Variants in MS4A2 observed in about 807,000 individuals in gnomAD.
MS4A2 encodes membrane spanning 4-domains A2.
Under a neutral mutation model 27.9 loss-of-function variants are expected in MS4A2, and 26 were observed. That is an observed-to-expected ratio of 0.93 (90% CI 0.68 to 1.29). The LOEUF (loss-of-function observed/expected upper bound fraction) is 1.29, where lower values mean the gene tolerates loss of function less well. Among genes scored for constraint, MS4A2 ranks in the 50% most tolerant of loss-of-function variants. The probability of loss-of-function intolerance (pLI) is 0.00; values close to 1 mark genes in which losing one functional copy is unlikely to be tolerated. For missense variants in MS4A2, 284 were observed against 284.6 expected (o/e 1.00, Z 0.01); for synonymous variants, 110 against 98.8 (o/e 1.11, Z -0.67).
At chr11:60,088,915 T>A in intron 1 of MS4A2, 94 bp downstream of exon 1, 1 of 1,223,062 alleles carries the variant, frequency 8.2e-7, no homozygotes, top group Middle Eastern at 1.9e-4. Flanking sequence ...TTTATTGATT[T>A]AGGCATGGAT....
At chr11:60,093,928 G>A (rs1364842155) in intron 5 of MS4A2, 36 bp from the exon 6 acceptor site, 2 of 1,519,912 alleles carry the variant, frequency 1.3e-6, no homozygotes, top group African/African-American at 1.4e-5. Context: ...AATACCATGT[G>A]ACTCTTTTTG....
At chr11:60,091,033 C>G (rs1855749951) in intron 3 of MS4A2, among the ~76,000 whole-genome samples, 1 of 152,090 alleles carries the variant, frequency 6.6e-6, no homozygotes. Flanking sequence ...TGCCTGTAAT[C>G]CCAGCTACTT....
At chr11:60,093,667 C>T in intron 5 of MS4A2, 109 bp downstream of exon 5, 1 of 1,426,166 alleles carries the variant, frequency 7.0e-7, no homozygotes, top group South Asian at 1.2e-5. Flanking sequence ...ACTTCTATTA[C>T]ACAGTATAGT....
upstream of MS4A2, chr11:60,088,634 G>A (rs1370729937): frequency 2.0e-6 from 3 of 1,527,986 alleles, no homozygotes; most frequent in East Asian, 7.4e-5. Flanking sequence ...AATGACTTAT[G>A]TATAAAGAGA....
intron 6 of MS4A2, 42 bp downstream of exon 6, chr11:60,094,104 C>T (rs770576168): frequency 3.0e-5 from 39 of 1,310,446 alleles, no homozygotes; most frequent in Non-Finnish European, 3.8e-5. Flanking sequence ...GACAGGTTAA[C>T]GAATTGGAGC....
intron 3 of MS4A2, 98 bp downstream of exon 3, chr11:60,090,568 T>C: frequency 9.5e-7 from 1 of 1,047,876 alleles, no homozygotes; most frequent in Non-Finnish European, 1.4e-6. Flanking sequence ...ATTAACATGA[T>C]ATTTATAATT....
chr11:60,089,946 G>A, intron 2 of MS4A2, 125 bp downstream of exon 2: 2 of 1,268,284 alleles, frequency 1.6e-6, no homozygotes, highest in Non-Finnish European at 1.1e-6. Flanking sequence ...AAACATGGTA[G>A]ATAAAGAGTT....
chr11:60,088,499 G>A, upstream of MS4A2: 1 of 752,094 alleles, frequency 1.3e-6, no homozygotes, highest in Non-Finnish European at 1.8e-6. Context: ...GCAAAATTAT[G>A]CTCCAGGAGT....
chr11:60,096,027 T>G lies in MS4A2; in HGVS notation c.*371T>G. 4.2e-6 allele frequency: 1 copy of G among 238,284 alleles called. No individual in the cohort carries two copies. The highest frequency in any genetic ancestry group is 1.1e-4 in the East Asian group (1 of 9,172). 14.8% of individuals were successfully genotyped at this position (238,284 alleles called of 1,614,324 possible). ...TTGATAATATTTGGTTCTTAGGGTTTTTTTTTTTTTTTAGCATTCTTAATA... is the reference window on the plus strand; with the variant it reads ...TTGATAATATTTGGTTCTTAGGGTTGTTTTTTTTTTTTAGCATTCTTAATA... On this transcript the variant is annotated 3_prime_UTR_variant, in exon 7 of 7. Coordinates refer to ENST00000278888, the MANE Select transcript of MS4A2 (RefSeq NM_000139.5).
rs1158652358 is a variant in MS4A2, at chr11:60,089,818, G to A, written c.183G>A (p.Leu61=). 2.5e-6 allele frequency: 4 copies of A among 1,613,878 alleles called. No individual in the cohort carries two copies. Among genetic ancestry groups the A allele is most frequent in the Middle Eastern group, 1.6e-4 (1 of 6,084 alleles). Residue 61 remains leucine (L), a synonymous_variant, in exon 2 of 7, where the codon CTG becomes CTA. Transcript: ENST00000278888. ...TTTTGAAAAAAGAGCAGGAGTTCCTGGGGGTGAGTGAGCCTCCTCCAACTT... is the reference window on the plus strand; with the variant it reads ...TTTTGAAAAAAGAGCAGGAGTTCCTAGGGGTGAGTGAGCCTCCTCCAACTT... ...LTVLKKEQEF[L]GVTQILTAMI...
intron 6 of MS4A2, among the ~76,000 whole-genome samples, chr11:60,094,744 T>A (rs1202558950): frequency 6.6e-6 from 1 of 151,944 alleles, no homozygotes; most frequent in Non-Finnish European, 1.5e-5. Context: ...AAGTCAGGAG[T>A]TCAAAACCAG....
At chr11:60,088,907 T>C in intron 1 of MS4A2, 86 bp downstream of exon 1, 2 of 1,337,316 alleles carry the variant, frequency 1.5e-6, no homozygotes, top group African/African-American at 1.5e-5. Context: ...GATGAAACTT[T>C]ATTGATTTAG....
intron 5 of MS4A2, 109 bp from the exon 6 acceptor site, chr11:60,093,855 G>T: frequency 2.5e-6 from 2 of 799,760 alleles, no homozygotes; most frequent in South Asian, 1.5e-5. Context: ...ACTTTAAAAG[G>T]ACTGGTCAGA....
At position 60,095,558 on chromosome 11, in the gene MS4A2, G is replaced by A; in HGVS notation, c.637G>A (p.Val213Ile). 2 of 1,599,442 alleles carry A rather than the reference G, an allele frequency of 1.3e-6. No homozygotes were observed. The highest frequency in any genetic ancestry group is 1.7e-6 in the Non-Finnish European group (2 of 1,166,710). The change falls in exon 7 of 7, where the codon GTT (valine) becomes ATT (isoleucine). Residue 213 changes from valine to isoleucine, a missense_variant and splice_region_variant. Transcript: ENST00000278888. ...TATGAAATGATTTTTCCCTTATCAGGTTCCAGAGGATCGTGTTTATGAAGA... is the reference window on the plus strand; with the variant it reads ...TATGAAATGATTTTTCCCTTATCAGATTCCAGAGGATCGTGTTTATGAAGA... ...GAGEELKGNK[V>I]PEDRVYEELN... is the part of the protein sequence containing the mutation.
chr11:60,091,290 C>A (rs1350876411), intron 3 of MS4A2, among the ~76,000 whole-genome samples: 1 of 152,130 alleles, frequency 6.6e-6, no homozygotes, highest in Non-Finnish European at 1.5e-5. Context: ...GTATTTTCTC[C>A]TGGTATCTCT....
rs35107181 is a variant in MS4A2, at chr11:60,089,743, C to G, written c.108C>G (p.Gly36=). ...LEISPQEVSS[G]RLLKSASSPP... is the part of the protein sequence containing the mutation. ...TATCTCCCCAGGAAGTATCTTCAGG[C>G]AGACTATTGAAGTCGGCCTCATCCC... The change falls in exon 2 of 7, where the codon GGC becomes GGG. Residue 36 remains glycine (G), a synonymous_variant. Coordinates refer to ENST00000278888, the MANE Select transcript of MS4A2 (RefSeq NM_000139.5). 4.0e-4 allele frequency: 653 copies of G among 1,614,156 alleles called. 1 individual carries two copies. In the African/African-American group the frequency reaches 8.1e-3, roughly 20 times the overall value.
chr11:60,092,109 T>C (rs567563800), intron 3 of MS4A2, among the ~76,000 whole-genome samples: 2 of 152,134 alleles, frequency 1.3e-5, no homozygotes, highest in East Asian at 1.9e-4. Context: ...TGCAATAGAA[T>C]GAGAGTGGTG....
chr11:60,090,037 G>A (rs1480327809), intron 2 of MS4A2, among the ~76,000 whole-genome samples: 1 of 152,196 alleles, frequency 6.6e-6, no homozygotes, highest in Non-Finnish European at 1.5e-5. Context: ...ATGGCCAACA[G>A]GAGTGAAGGA....
chr11:60,092,602 G>A (rs998026294), intron 3 of MS4A2, among the ~76,000 whole-genome samples, 190 bp from the exon 4 acceptor site: 5 of 152,014 alleles, frequency 3.3e-5, no homozygotes, highest in Non-Finnish European at 4.4e-5. Flanking sequence ...AGCCTTATTC[G>A]TATACACATT....
Sources: allele counts gnomAD v4.1 joint callset (sites outside exome capture counted in the v4.1 genomes callset), GRCh38; gene constraint gnomAD v4.1.1; transcripts MANE v1.5; gene names NCBI Gene and HGNC (gene_info 2026-07-23, HGNC 2026-07-21).